Variants in LUZP2 observed in about 807,000 individuals in gnomAD.
LUZP2 encodes leucine zipper protein 2.
Under a neutral mutation model 51.6 loss-of-function variants are expected in LUZP2, and 52 were observed. The ratio of observed to expected loss-of-function variants is 1.01; its 90% CI spans 0.81 to 1.27. The LOEUF is 1.27. Among genes scored for constraint, LUZP2 ranks in the 50% most tolerant of loss-of-function variants. LUZP2 has a pLI of 0.00. For missense variants in LUZP2, 436 were observed against 395.4 expected, an observed-to-expected ratio of 1.10 and a Z score of -0.87; for synonymous variants, 154 against 137.3, an observed-to-expected ratio of 1.12 and a Z score of -0.85.
At chr11:24,602,509 T>C (rs987242445) in intron 1 of LUZP2, among the ~76,000 whole-genome samples, 9 of 150,840 alleles carry the variant, frequency 6.0e-5, no homozygotes, top group Admixed American at 3.3e-4. Context: ...CTGAATAAAT[T>C]AAAATGCTAA....
chr11:24,991,396 G>GTATATATATATATATA (rs58483878), intron 9 of LUZP2, among the ~76,000 whole-genome samples: 13 of 124,948 alleles, frequency 1.0e-4, no homozygotes, highest in Non-Finnish European at 1.3e-4. Context: ...GTGTGTGTGT[G>GTATATATATATATATA]TATATATATA....
chr11:25,047,428 T>C (rs1370975092), intron 9 of LUZP2, among the ~76,000 whole-genome samples: 3 of 150,242 alleles, frequency 2.0e-5, no homozygotes, highest in South Asian at 4.2e-4. Flanking sequence ...AAGAATGGTA[T>C]TGTTTTTAAC....
intron 1 of LUZP2, among the ~76,000 whole-genome samples, chr11:24,602,815 G>A (rs944640160): frequency 6.6e-6 from 1 of 151,596 alleles, no homozygotes; most frequent in African/African-American, 2.4e-5. Context: ...CTTCCCATTT[G>A]ATAACTTTTT....
chr11:24,771,676 C>A (rs1860423891), intron 5 of LUZP2, among the ~76,000 whole-genome samples: 1 of 152,002 alleles, frequency 6.6e-6, no homozygotes, highest in Non-Finnish European at 1.5e-5. Flanking sequence ...TGTGTCCCTA[C>A]CCAAATCTCA....
chr11:24,529,651 A>C (rs116533709), intron 1 of LUZP2, among the ~76,000 whole-genome samples: 1,538 of 151,164 alleles, frequency 0.01, 34 homozygotes, highest in African/African-American at 0.035. Flanking sequence ...TATTTTGTTT[A>C]AGGTCACTGG....
rs993931558 is a variant in LUZP2 at position 24,508,848 on chromosome 11, A to C, written c.62+11543A>C. ...AAAATGAGGCATTAAGGATTACAGA[A>C]GTTGACATATCTAAGGTCACAAAAT... is the stretch of plus-strand genomic sequence containing the variant. On this transcript the variant is annotated intron_variant, in intron 1 of 11. Coordinates refer to ENST00000336930, the MANE Select transcript of LUZP2 (RefSeq NM_001009909.4). Among the ~76,000 whole-genome samples, 6 of 152,140 alleles carry C rather than the reference A, an allele frequency of 3.9e-5. No homozygotes were observed. The South Asian group carries it at 1.0e-3, about 26-fold the overall frequency.
intron 5 of LUZP2, among the ~76,000 whole-genome samples, chr11:24,881,896 T>G (rs1013839204): frequency 2.2e-5 from 3 of 134,280 alleles, no homozygotes; most frequent in Non-Finnish European, 4.9e-5. Flanking sequence ...TCATTTCTAA[T>G]AACCTATTTA....
chr11:25,047,099 C>A (rs1382152320), intron 9 of LUZP2, among the ~76,000 whole-genome samples: 1 of 152,058 alleles, frequency 6.6e-6, no homozygotes, highest in Non-Finnish European at 1.5e-5. Context: ...TTGTCCCTTG[C>A]CTGTTAGTGT....
At chr11:24,956,349 G>A (rs1051773825) in intron 7 of LUZP2, among the ~76,000 whole-genome samples, 2 of 152,022 alleles carry the variant, frequency 1.3e-5, no homozygotes, top group Non-Finnish European at 2.9e-5. Context: ...CTGACACCTT[G>A]ACTTTGGCCC....
At chr11:24,961,681 T>A (rs1324865950) in intron 7 of LUZP2, among the ~76,000 whole-genome samples, 1 of 152,194 alleles carries the variant, frequency 6.6e-6, no homozygotes, top group Non-Finnish European at 1.5e-5. Flanking sequence ...AGCTCATTGA[T>A]GGGTCTTGAC....
At chr11:24,532,973 T>A (rs1208769655) in intron 1 of LUZP2, among the ~76,000 whole-genome samples, 1 of 151,274 alleles carries the variant, frequency 6.6e-6, no homozygotes, top group Non-Finnish European at 1.5e-5. Flanking sequence ...AAATTAGATT[T>A]CCTGAGGGCT....
At chr11:24,996,930 C>T (rs1856520788) in intron 9 of LUZP2, among the ~76,000 whole-genome samples, 1 of 151,168 alleles carries the variant, frequency 6.6e-6, no homozygotes, top group Admixed American at 6.6e-5. Flanking sequence ...CATCCATGTC[C>T]CTACAAAGGA....
rs144393582 is a variant in LUZP2 at position 24,948,461 on chromosome 11, C to A, written c.523-28130C>A. Reference sequence around the variant, plus strand: ...TAATTTATATGCCCTGCTACAATGCCATCTGTTTCTTAAATATGTATAGAG... The same window carrying A: ...TAATTTATATGCCCTGCTACAATGCAATCTGTTTCTTAAATATGTATAGAG... On this transcript the variant is annotated intron_variant, in intron 7 of 11. Coordinates refer to ENST00000336930, the MANE Select transcript of LUZP2 (RefSeq NM_001009909.4). Among the ~76,000 whole-genome samples, 395 of 151,648 alleles carry A rather than the reference C, an allele frequency of 2.6e-3. 2 individuals are homozygous for A. The highest frequency in any genetic ancestry group is 9.0e-3 in the African/African-American group (373 of 41,448).
intron 7 of LUZP2, among the ~76,000 whole-genome samples, chr11:24,973,380 T>TTTTTTC (rs57321639): frequency 6.9e-6 from 1 of 145,446 alleles, no homozygotes; most frequent in South Asian, 2.1e-4. Context: ...TTTTTTTTTT[T>TTTTTTC]CAAAAAAACA....
At chr11:24,812,949 G>T (rs1850062848) in intron 5 of LUZP2, among the ~76,000 whole-genome samples, 1 of 152,160 alleles carries the variant, frequency 6.6e-6, no homozygotes, top group Non-Finnish European at 1.5e-5. Flanking sequence ...TTTTGCCCTG[G>T]TTTGTGGTGC....
intron 9 of LUZP2, among the ~76,000 whole-genome samples, chr11:25,025,476 T>C (rs923547806): frequency 8.6e-5 from 13 of 151,938 alleles, no homozygotes; most frequent in African/African-American, 3.1e-4. Flanking sequence ...CCATCAACAA[T>C]TGGGCAAAGG....
chr11:24,667,183 T>C (rs936865194), intron 1 of LUZP2, among the ~76,000 whole-genome samples: 7 of 141,828 alleles, frequency 4.9e-5, no homozygotes, highest in African/African-American at 2.0e-4. Flanking sequence ...TTTCTTTTTT[T>C]CTTTTTTTTT....
intron 9 of LUZP2, among the ~76,000 whole-genome samples, chr11:25,023,946 G>C (rs1224116794): frequency 1.3e-5 from 2 of 152,124 alleles, no homozygotes; most frequent in African/African-American, 2.4e-5. Flanking sequence ...GAGTGGTTTT[G>C]AGTGAGTTTC....
intron 7 of LUZP2, among the ~76,000 whole-genome samples, chr11:24,946,667 C>T (rs1217075777): frequency 1.1e-4 from 17 of 151,712 alleles, no homozygotes; most frequent in African/African-American, 3.4e-4. Context: ...ATCATGACCA[C>T]GTATGTTACC....
Sources: gnomAD v4.1 joint callset for allele counts (sites outside exome capture counted in the v4.1 genomes callset) on GRCh38, gnomAD v4.1.1 for gene constraint, MANE v1.5 for transcripts, NCBI Gene and HGNC (gene_info 2026-07-23, HGNC 2026-07-21) for gene names.